The following PPARGC1A variants were observed in gnomAD, a reference collection of about 807,000 sequenced individuals.
PPARGC1A encodes PPARG coactivator 1 alpha, also known as peroxisome proliferator-activated receptor gamma coactivator 1-alpha.
A neutral mutation model predicts 88.7 loss-of-function variants in PPARGC1A; 25 were observed. That is an observed-to-expected ratio of 0.28 (90% CI 0.21 to 0.39). The LOEUF is 0.39. Among genes scored for constraint, PPARGC1A ranks in the 10% least tolerant of loss-of-function variants. The pLI, the probability that PPARGC1A is intolerant of heterozygous loss-of-function variation, is 1.00. For missense variants in PPARGC1A, 880 were observed against 968.7 expected, an observed-to-expected ratio of 0.91 and a Z score of 1.22; for synonymous variants, 363 against 355.6, an observed-to-expected ratio of 1.02 and a Z score of -0.24.
chr4:23,831,333 G>A (rs1724962189), intron 3 of PPARGC1A, among the ~76,000 whole-genome samples: 1 of 151,988 alleles, frequency 6.6e-6, no homozygotes, highest in Admixed American at 6.6e-5. Flanking sequence ...ACACATAACA[G>A]CAAAAGATAG....
At chr4:23,937,525 A>AAAAAT in the PPARGC1A span, among the ~76,000 whole-genome samples, 43 of 152,020 alleles carry the variant, frequency 2.8e-4, 1 homozygote, top group East Asian at 6.2e-3. Context: ...AAATAAAATA[A>AAAAAT]AAAATAAAAT....
At chr4:23,902,381 G>A (rs961919368), upstream of PPARGC1A, among the ~76,000 whole-genome samples, 24 of 152,230 alleles carry the variant, frequency 1.6e-4, no homozygotes, top group African/African-American at 2.2e-4. Context: ...TCCAGGGGGC[G>A]CTACTCGCAT....
the PPARGC1A span, among the ~76,000 whole-genome samples, chr4:24,296,064 G>GTA: frequency 1.3e-5 from 2 of 150,358 alleles, no homozygotes; most frequent in African/African-American, 4.9e-5. Flanking sequence ...GTATATATGT[G>GTA]TATATGTATA....
chr4:24,167,937 G>A, the PPARGC1A span, among the ~76,000 whole-genome samples: 2 of 151,938 alleles, frequency 1.3e-5, no homozygotes, highest in South Asian at 4.2e-4. Context: ...TATATTTTTG[G>A]TAGAGATAGG....
At chr4:24,148,252 C>T in the PPARGC1A span, among the ~76,000 whole-genome samples, 1 of 152,212 alleles carries the variant, frequency 6.6e-6, no homozygotes, top group African/African-American at 2.4e-5. Context: ...ATCTAAGATG[C>T]ACTAGCATTC....
chr4:24,091,491 G>A, the PPARGC1A span: 5 of 985,292 alleles, frequency 5.1e-6, 1 homozygote, highest in African/African-American at 8.7e-5. Flanking sequence ...TCTCGCTGAA[G>A]TACTTTTTTC....
the PPARGC1A span, among the ~76,000 whole-genome samples, chr4:24,413,877 A>G: frequency 7.2e-5 from 11 of 152,366 alleles, no homozygotes; most frequent in East Asian, 1.7e-3. Context: ...GCCCCAGATT[A>G]GATCCTTCCC....
the PPARGC1A span, among the ~76,000 whole-genome samples, chr4:24,419,019 G>A: frequency 1.3e-5 from 2 of 152,066 alleles, no homozygotes; most frequent in Non-Finnish European, 2.9e-5. Context: ...CAATAGTAAG[G>A]TGTCTAGGTT....
intron 10 of PPARGC1A, among the ~76,000 whole-genome samples, chr4:23,805,666 C>G (rs1314982759): frequency 6.6e-6 from 1 of 152,158 alleles, no homozygotes; most frequent in Non-Finnish European, 1.5e-5. Context: ...TCTAGTCAAA[C>G]AGCCAAATGT....
chr4:23,843,987 A>G (rs1232814443), intron 2 of PPARGC1A, among the ~76,000 whole-genome samples: 1 of 151,750 alleles, frequency 6.6e-6, no homozygotes, highest in African/African-American at 2.4e-5. Context: ...ACATATAAAC[A>G]TGCATATTTA....
the PPARGC1A span, among the ~76,000 whole-genome samples, chr4:24,249,458 G>A: frequency 1.3e-5 from 2 of 152,190 alleles, no homozygotes; most frequent in Non-Finnish European, 2.9e-5. Context: ...GCCAGCCCCT[G>A]CTGGAAACTC....
chr4:23,916,571 A>C, the PPARGC1A span, among the ~76,000 whole-genome samples: 2 of 152,112 alleles, frequency 1.3e-5, no homozygotes, highest in Non-Finnish European at 2.9e-5. Context: ...GCTTTTTTAA[A>C]AAAAACATAT....
At chr4:24,300,467 A>G in the PPARGC1A span, among the ~76,000 whole-genome samples, 1 of 151,270 alleles carries the variant, frequency 6.6e-6, no homozygotes, top group Non-Finnish European at 1.5e-5. Flanking sequence ...ACGGCTGTGT[A>G]AAAATAAGTA....
the PPARGC1A span, among the ~76,000 whole-genome samples, chr4:24,272,819 ACT>A: frequency 2.0e-5 from 3 of 152,146 alleles, no homozygotes; most frequent in African/African-American, 7.2e-5. Flanking sequence ...ATAAGCAAAG[ACT>A]CTTCATTAAA....
At chr4:24,132,755 A>AT in the PPARGC1A span, among the ~76,000 whole-genome samples, 36 of 148,964 alleles carry the variant, frequency 2.4e-4, no homozygotes, top group East Asian at 1.2e-3. Flanking sequence ...TGCTGCTCAG[A>AT]TTTTTTTTTT....
the PPARGC1A span, among the ~76,000 whole-genome samples, chr4:24,367,428 T>G: frequency 1.4e-3 from 220 of 152,298 alleles, 1 homozygote; most frequent in African/African-American, 5.0e-3. Context: ...AAAGCTTAAG[T>G]ATAACGGGCT....
At chr4:23,796,602 T>C (rs1466611074) in intron 12 of PPARGC1A, among the ~76,000 whole-genome samples, 2 of 152,200 alleles carry the variant, frequency 1.3e-5, no homozygotes, top group African/African-American at 4.8e-5. Flanking sequence ...TTGAGCAGTT[T>C]CACTGCTACT....
At chr4:23,913,296 AG>A in the PPARGC1A span, among the ~76,000 whole-genome samples, 1 of 145,512 alleles carries the variant, frequency 6.9e-6, no homozygotes, top group Non-Finnish European at 1.5e-5. Flanking sequence ...AGAGAGAGAG[AG>A]AGAGAGAGAG....
At chr4:24,082,069 A>T in the PPARGC1A span, among the ~76,000 whole-genome samples, 1 of 152,154 alleles carries the variant, frequency 6.6e-6, no homozygotes, top group South Asian at 2.1e-4. Context: ...AAGTGTAGTC[A>T]TATTTATTGT....
Sources: allele counts gnomAD v4.1 joint callset (sites outside exome capture counted in the v4.1 genomes callset), GRCh38; gene constraint gnomAD v4.1.1; transcripts MANE v1.5; gene names NCBI Gene and HGNC (gene_info 2026-07-23, HGNC 2026-07-21).